LAYN: variants seen among roughly 807,000 people sequenced by gnomAD.
LAYN encodes the protein layilin.
A neutral mutation model predicts 43.6 loss-of-function variants in LAYN; 38 were observed. That is an observed-to-expected ratio of 0.87 (90% CI 0.67 to 1.14). The LOEUF (loss-of-function observed/expected upper bound fraction) is 1.14, where lower values mean the gene tolerates loss of function less well. Among genes scored for constraint, LAYN ranks in the 50% most tolerant of loss-of-function variants. LAYN has a pLI of 0.00. For synonymous variants in LAYN, 168 were observed against 172.9 expected (o/e 0.97, Z 0.22); for missense variants, 479 against 463.8 (o/e 1.03, Z -0.30).
At chr11:111,554,424 A>AGTT in intron 3 of LAYN, 137 bp from the exon 4 acceptor site, 1 of 689,656 alleles carries the variant, frequency 1.5e-6, no homozygotes, top group Non-Finnish European at 2.5e-6. Flanking sequence ...CCAGTTCCTG[A>AGTT]TATCTGATAA....
chr11:111,541,504 C>A, intron 1 of LAYN: 6 of 1,487,264 alleles, frequency 4.0e-6, no homozygotes, highest in Non-Finnish European at 5.4e-6. Flanking sequence ...GTGGGACGAG[C>A]CCCACCTGAC....
In LAYN at chr11:111,541,263, A is replaced by T. The variant is rs149918676; in HGVS notation, c.85+335A>T. On this transcript the variant is annotated intron_variant, in intron 1 of 6. Transcript: ENST00000375614. ...GGGTGCCCCTTCGGCCCGCTCCTTT[A>T]CACGCATCGAATCAGTCCTTGGGAC... The T allele has an allele frequency of 1.9e-3, 1,141 of 594,154 alleles. 12 individuals carry two copies. Among genetic ancestry groups the T allele is most frequent in the African/African-American group, 0.019 (1,026 of 53,724 alleles). The allele number at this position is 594,154 out of a possible 1,614,324, so 36.8% of individuals were successfully genotyped here.
intron 2 of LAYN, among the ~76,000 whole-genome samples, chr11:111,545,224 A>G (rs1201104080): frequency 6.6e-6 from 1 of 151,978 alleles, no homozygotes; most frequent in Non-Finnish European, 1.5e-5. Context: ...TTTAGAAAGG[A>G]GGGTTAGTAG....
At chr11:111,541,543 T>G (rs1189132774) in intron 1 of LAYN, 10 of 1,536,038 alleles carry the variant, frequency 6.5e-6, no homozygotes, top group Non-Finnish European at 8.7e-7. Context: ...GCTTCCTTCC[T>G]CCTGTTGTGT....
intron 5 of LAYN, among the ~76,000 whole-genome samples, chr11:111,557,007 C>A (rs538881093): frequency 5.9e-5 from 9 of 152,240 alleles, no homozygotes; most frequent in Admixed American, 3.9e-4. Context: ...TTCCTGTGAC[C>A]TCTTTCCTGG....
chr11:111,560,321 C>A lies in LAYN; in HGVS notation c.988C>A (p.Pro330Thr), dbSNP rs1217693922. Residue 330 changes from proline (P) to threonine (T), a missense_variant, in exon 7 of 7, where the codon CCA becomes ACA. Physicochemically the swap from Pro to Thr is conservative, Grantham distance 38 (BLOSUM62 -1). Coordinates refer to ENST00000375614, the MANE Select transcript of LAYN (RefSeq NM_178834.5). ...SCDYDNMAVN[P>T]SESGFVTLVS... ...TGACTATGACAACATGGCTGTGAAC[C>A]CATCAGAAAGTGGGTTTGTGACTCT... is the stretch of plus-strand genomic sequence containing the variant. 6.2e-7 allele frequency: 1 copy of A among 1,614,020 alleles called. No individual in the cohort carries two copies. Among genetic ancestry groups the A allele is most frequent in the African/African-American group, 1.3e-5 (1 of 74,900 alleles).
upstream of LAYN, chr11:111,540,705 T>C (rs956728918): frequency 2.7e-5 from 21 of 781,524 alleles, no homozygotes; most frequent in East Asian, 6.4e-4. Flanking sequence ...CTCCGCGCCC[T>C]CCCCCCCGCC....
chr11:111,543,615 C>T (rs1867587393), intron 1 of LAYN, among the ~76,000 whole-genome samples: 2 of 152,176 alleles, frequency 1.3e-5, no homozygotes, highest in African/African-American at 2.4e-5. Flanking sequence ...TTCAGTGAAA[C>T]CATAAATCTT....
rs889855894 is a variant in LAYN, at chr11:111,561,053, TA to T, written c.*597del. 1.3e-5 allele frequency: 2 copies of T among 152,656 alleles called. No homozygotes were observed. Among genetic ancestry groups the T allele is most frequent in the African/African-American group, 4.8e-5 (2 of 41,438 alleles). 9.5% of individuals were successfully genotyped at this position (152,656 alleles called of 1,614,324 possible). A position where few individuals can be genotyped will look rare whatever the true frequency, so the allele number is the denominator to read the frequency against. On this transcript the variant is annotated 3_prime_UTR_variant, in exon 7 of 7. Transcript: ENST00000375614. ...CCTGACATCCAGACTTGGAAATATCTAACTACTTGCAAAACTAAAAATGAGG... is the reference window on the plus strand; with the variant it reads ...CCTGACATCCAGACTTGGAAATATCTACTACTTGCAAAACTAAAAATGAGG...
At chr11:111,558,417 G>A (rs73555169) in intron 6 of LAYN, among the ~76,000 whole-genome samples, 9,185 of 152,154 alleles carry the variant, frequency 0.06, 610 homozygotes, top group African/African-American at 0.16. Context: ...TAACTTCCTT[G>A]TAGGATTATT....
chr11:111,554,646 T>C (rs2135801755), intron 4 of LAYN, 53 bp downstream of exon 4: 4 of 1,470,144 alleles, frequency 2.7e-6, no homozygotes, highest in Non-Finnish European at 2.9e-6. Context: ...ATAGCCCCTC[T>C]TCACAGGTTT....
At chr11:111,541,976 GGCAC>G (rs1354239275) in intron 1 of LAYN, among the ~76,000 whole-genome samples, 2 of 152,138 alleles carry the variant, frequency 1.3e-5, no homozygotes, top group Admixed American at 6.5e-5. Flanking sequence ...GACGGTCTCT[GGCAC>G]TCACCCGCAG....
intron 2 of LAYN, 49 bp from the exon 3 acceptor site, chr11:111,549,569 T>C (rs760747591): frequency 1.4e-6 from 2 of 1,450,650 alleles, no homozygotes; most frequent in Non-Finnish European, 1.8e-6. Context: ...CTTTGAAGTC[T>C]CAGGGGATCC....
chr11:111,557,183 A>G (rs1867861666), intron 5 of LAYN, among the ~76,000 whole-genome samples: 1 of 152,132 alleles, frequency 6.6e-6, no homozygotes, highest in Non-Finnish European at 1.5e-5. Context: ...TCTCTGAAAA[A>G]AAAAACAAAA....
At chr11:111,557,728 C>G in intron 6 of LAYN, 85 bp downstream of exon 6, 1 of 1,100,232 alleles carries the variant, frequency 9.1e-7, no homozygotes, top group Non-Finnish European at 1.4e-6. Context: ...TCATTAAAAC[C>G]CACGGCAGCA....
At chr11:111,550,228 A>C (rs541972270) in intron 3 of LAYN, among the ~76,000 whole-genome samples, 4 of 152,362 alleles carry the variant, frequency 2.6e-5, no homozygotes, top group African/African-American at 9.6e-5. Context: ...GATAAAGTAC[A>C]CCAACTGCAC....
intron 2 of LAYN, among the ~76,000 whole-genome samples, chr11:111,547,262 G>C (rs1045807351): frequency 6.6e-6 from 1 of 152,196 alleles, no homozygotes; most frequent in East Asian, 1.9e-4. Context: ...TATTGAAGTG[G>C]TAGGCTCCTG....
intron 6 of LAYN, among the ~76,000 whole-genome samples, chr11:111,559,453 T>G (rs1255069496): frequency 1.3e-5 from 2 of 151,740 alleles, no homozygotes; most frequent in Non-Finnish European, 2.9e-5. Flanking sequence ...TATTTTATTT[T>G]ATTATTTTAT....
Position 111,554,570 on chromosome 11 carries a change from C to A in LAYN, c.551C>A (p.Ala184Glu), listed in dbSNP as rs1465744020. The change falls in exon 4 of 7, where the codon GCA becomes GAA. Residue 184 changes from alanine (A) to glutamate (E), a missense_variant. Transcript: ENST00000375614. Reference sequence around the variant, plus strand: ...TTTCTTTCTACTACAGAGAAACCAGCAGTTCCTTCTAGAGAAGCTGAAGGT... The same window carrying A: ...TTTCTTTCTACTACAGAGAAACCAGAAGTTCCTTCTAGAGAAGCTGAAGGT... ...FICKYSDEKP[A>E]VPSREAEGEE... The A allele has an allele frequency of 6.2e-7, 1 of 1,612,700 alleles. No individual in the cohort carries two copies. The highest frequency in any genetic ancestry group is 8.5e-7 in the Non-Finnish European group (1 of 1,179,432).
Sources: gnomAD v4.1 joint callset for allele counts (sites outside exome capture counted in the v4.1 genomes callset) on GRCh38, gnomAD v4.1.1 for gene constraint, MANE v1.5 for transcripts, NCBI Gene and HGNC (gene_info 2026-07-23, HGNC 2026-07-21) for gene names.